Variants in SYNPR observed in about 807,000 individuals in gnomAD.
The protein encoded by SYNPR is synaptoporin.
SYNPR carries 23 observed loss-of-function variants against 32.9 expected under a neutral mutation model. The ratio of observed to expected loss-of-function variants is 0.70; its 90% CI spans 0.50 to 0.99. The LOEUF is 0.99. SYNPR is among the 50% of genes least tolerant of loss of function. The pLI is 0.00. For synonymous variants in SYNPR, 146 were observed against 135.9 expected (o/e 1.07, Z -0.52); for missense variants, 318 against 349.3 (o/e 0.91, Z 0.71).
chr3:63,570,515 A>G (rs907523198), intron 4 of SYNPR, among the ~76,000 whole-genome samples: 2 of 152,092 alleles, frequency 1.3e-5, no homozygotes, highest in Non-Finnish European at 2.9e-5. Flanking sequence ...AAAAATTCCT[A>G]TTCTGCATAG....
At chr3:63,361,270 A>T (rs1478184885) in intron 2 of SYNPR, among the ~76,000 whole-genome samples, 1 of 152,064 alleles carries the variant, frequency 6.6e-6, no homozygotes, top group Non-Finnish European at 1.5e-5. Context: ...AAGGTAGCTT[A>T]GAGTGGTCTT....
chr3:63,221,791 C>T, the SYNPR span, among the ~76,000 whole-genome samples: 1 of 152,052 alleles, frequency 6.6e-6, no homozygotes, highest in East Asian at 1.9e-4. Context: ...GGAAAGTTTA[C>T]CTTTTCTGAG....
chr3:63,204,915 T>C, the SYNPR span, among the ~76,000 whole-genome samples: 1 of 152,272 alleles, frequency 6.6e-6, no homozygotes, highest in African/African-American at 2.4e-5. Flanking sequence ...TTCAAACTCC[T>C]GACCTCAGGT....
chr3:63,377,999 G>A (rs140965071), intron 2 of SYNPR, among the ~76,000 whole-genome samples: 453 of 151,750 alleles, frequency 3.0e-3, no homozygotes, highest in African/African-American at 9.7e-3. Flanking sequence ...AATTCATATT[G>A]CATTTATTAT....
intron 2 of SYNPR, among the ~76,000 whole-genome samples, chr3:63,322,265 T>C (rs1302545502): frequency 6.6e-6 from 1 of 152,052 alleles, no homozygotes; most frequent in Non-Finnish European, 1.5e-5. Flanking sequence ...GGAGAAATAA[T>C]GCATATAAAC....
At chr3:63,556,424 T>C (rs1054369227) in intron 3 of SYNPR, 119 bp from the exon 4 acceptor site, 8 of 750,196 alleles carry the variant, frequency 1.1e-5, no homozygotes, top group African/African-American at 5.3e-5. Context: ...ATATGTTACA[T>C]AGGCATGCAC....
At chr3:63,470,241 T>A (rs909863518) in intron 2 of SYNPR, among the ~76,000 whole-genome samples, 5 of 152,130 alleles carry the variant, frequency 3.3e-5, no homozygotes, top group African/African-American at 1.2e-4. Context: ...ATGTATTTAC[T>A]TTTTTTGCTT....
intron 2 of SYNPR, among the ~76,000 whole-genome samples, chr3:63,324,320 A>G (rs142324782): frequency 6.6e-6 from 1 of 151,824 alleles, no homozygotes; most frequent in Non-Finnish European, 1.5e-5. Context: ...CTTAACCATT[A>G]CAATGTATGG....
chr3:63,271,661 G>A (rs985704343), intron 3 of SYNPR, among the ~76,000 whole-genome samples: 3 of 151,906 alleles, frequency 2.0e-5, no homozygotes, highest in African/African-American at 7.3e-5. Flanking sequence ...ATTAGAGATT[G>A]TACATATTGC....
chr3:63,272,844 T>G (rs2086547606), intron 3 of SYNPR, among the ~76,000 whole-genome samples: 1 of 152,146 alleles, frequency 6.6e-6, no homozygotes, highest in African/African-American at 2.4e-5. Context: ...CTTGGCATAC[T>G]CATTGTCTCA....
chr3:63,392,800 T>C (rs112240782), intron 2 of SYNPR, among the ~76,000 whole-genome samples: 1 of 152,136 alleles, frequency 6.6e-6, no homozygotes, highest in African/African-American at 2.4e-5. Flanking sequence ...TAACTTTTGT[T>C]TATACAAGTG....
intron 4 of SYNPR, among the ~76,000 whole-genome samples, chr3:63,566,538 T>C (rs942772189): frequency 1.7e-4 from 26 of 152,238 alleles, no homozygotes; most frequent in African/African-American, 6.0e-4. Context: ...AAATAAAACC[T>C]AGGTCCTAGC....
chr3:63,335,269 A>C (rs969257415), intron 2 of SYNPR, among the ~76,000 whole-genome samples: 1 of 145,216 alleles, frequency 6.9e-6, no homozygotes, highest in East Asian at 2.1e-4. Flanking sequence ...AGGAGAATGG[A>C]GTGAACCCGG....
intron 2 of SYNPR, among the ~76,000 whole-genome samples, chr3:63,426,134 A>G (rs1699889055): frequency 6.6e-6 from 1 of 152,176 alleles, no homozygotes; most frequent in Non-Finnish European, 1.5e-5. Flanking sequence ...GTTCAACAAA[A>G]GTTTGCTATA....
At chr3:63,589,023 C>T (rs990438216) in intron 4 of SYNPR, among the ~76,000 whole-genome samples, 37 of 152,166 alleles carry the variant, frequency 2.4e-4, no homozygotes, top group African/African-American at 7.9e-4. Flanking sequence ...CCTGGCCAAC[C>T]CAGTATCAAC....
chr3:63,579,788 AACACACACACAC>A (rs59802344), intron 4 of SYNPR, among the ~76,000 whole-genome samples: 5,645 of 146,158 alleles, frequency 0.039, 393 homozygotes, highest in African/African-American at 0.13. Flanking sequence ...ATTTAACTAA[AACACACACACAC>A]ACACACACAC....
At chr3:63,321,569 C>A (rs948380131) in intron 2 of SYNPR, among the ~76,000 whole-genome samples, 3 of 152,010 alleles carry the variant, frequency 2.0e-5, no homozygotes, top group African/African-American at 7.2e-5. Flanking sequence ...GTAAATTGGC[C>A]AGTTCCTTAA....
chr3:63,572,120 T>A (rs764016162), intron 4 of SYNPR, among the ~76,000 whole-genome samples: 1 of 152,196 alleles, frequency 6.6e-6, no homozygotes, highest in Admixed American at 6.5e-5. Context: ...TGTGTGAGTG[T>A]TCTTCTTGGG....
chr3:63,425,191 T>A (rs1354741737), intron 2 of SYNPR, among the ~76,000 whole-genome samples: 2 of 152,134 alleles, frequency 1.3e-5, no homozygotes, highest in African/African-American at 4.8e-5. Flanking sequence ...TTAAACTCTA[T>A]CTATAGAGTA....
Sources: gnomAD v4.1 joint callset for allele counts (sites outside exome capture counted in the v4.1 genomes callset) on GRCh38, gnomAD v4.1.1 for gene constraint, MANE v1.5 for transcripts, NCBI Gene and HGNC (gene_info 2026-07-23, HGNC 2026-07-21) for gene names.